The following CLDN16 variants were observed in gnomAD, a reference collection of about 807,000 sequenced individuals.
CLDN16 encodes the protein claudin 16, also known as claudin-16.
A neutral mutation model predicts 24.6 loss-of-function variants in CLDN16; 13 were observed. That is an observed-to-expected ratio of 0.53 (90% CI 0.34 to 0.84). The LOEUF is 0.84. Among genes scored for constraint, CLDN16 ranks in the 40% least tolerant of loss-of-function variants. The pLI is 0.01. For missense variants in CLDN16, 298 were observed against 292.7 expected (o/e 1.02, Z -0.13); for synonymous variants, 116 against 106.7 (o/e 1.09, Z -0.54).
At chr3:190,404,075 G>T (rs1373332613) in intron 2 of CLDN16, among the ~76,000 whole-genome samples, 1 of 152,016 alleles carries the variant, frequency 6.6e-6, no homozygotes, top group Non-Finnish European at 1.5e-5. Flanking sequence ...TAACATATGG[G>T]GGTAGAGAAA....
chr3:190,314,323 C>T, the CLDN16 span, among the ~76,000 whole-genome samples: 2 of 152,172 alleles, frequency 1.3e-5, no homozygotes, highest in African/African-American at 4.8e-5. Context: ...TCTAAAACTT[C>T]ATTAAATCTT....
chr3:190,334,211 T>A (rs1717247398), intron 1 of CLDN16, among the ~76,000 whole-genome samples: 1 of 152,218 alleles, frequency 6.6e-6, no homozygotes, highest in Admixed American at 6.5e-5. Flanking sequence ...AGGATAAAAC[T>A]ATACGTGTGT....
chr3:190,385,346 T>G (rs948249340), upstream of CLDN16, among the ~76,000 whole-genome samples: 1 of 152,214 alleles, frequency 6.6e-6, no homozygotes, highest in Non-Finnish European at 1.5e-5. Context: ...ATCCATGAAG[T>G]GTTTACTGCT....
chr3:190,293,023 C>A, the CLDN16 span, among the ~76,000 whole-genome samples: 2 of 152,150 alleles, frequency 1.3e-5, no homozygotes, highest in Admixed American at 6.5e-5. Flanking sequence ...GCCTCAGTAC[C>A]AATTTACTGT....
At chr3:190,377,297 C>T (rs1718266455) in intron 3 of CLDN16, among the ~76,000 whole-genome samples, 1 of 151,896 alleles carries the variant, frequency 6.6e-6, no homozygotes, top group African/African-American at 2.4e-5. Context: ...AAGCACCAAG[C>T]AAATGCTGCT....
chr3:190,308,583 T>A, the CLDN16 span: 2 of 793,724 alleles, frequency 2.5e-6, no homozygotes, highest in Non-Finnish European at 4.2e-6. Flanking sequence ...ACTTTAAGAT[T>A]TCTGAACATA....
chr3:190,398,795 T>C (rs1718885388), intron 1 of CLDN16, among the ~76,000 whole-genome samples: 1 of 152,208 alleles, frequency 6.6e-6, no homozygotes, highest in African/African-American at 2.4e-5. Flanking sequence ...ATCTCCCGTA[T>C]ACAGATAAGG....
At chr3:190,340,999 TC>T (rs926183185) in intron 1 of CLDN16, among the ~76,000 whole-genome samples, 20 of 152,236 alleles carry the variant, frequency 1.3e-4, no homozygotes, top group African/African-American at 4.8e-4. Flanking sequence ...AGAGGTGGGT[TC>T]CCATGGTCTT....
At chr3:190,368,004 T>A (rs1264412571) in intron 1 of CLDN16, among the ~76,000 whole-genome samples, 6 of 151,888 alleles carry the variant, frequency 4.0e-5, no homozygotes, top group African/African-American at 1.2e-4. Flanking sequence ...TCCTGATGTG[T>A]TGGGGAAGCT....
At chr3:190,339,086 T>C (rs1717373485) in intron 1 of CLDN16, among the ~76,000 whole-genome samples, 1 of 152,216 alleles carries the variant, frequency 6.6e-6, no homozygotes, top group South Asian at 2.1e-4. Context: ...TATCTGATTA[T>C]AATCTATGTT....
chr3:190,335,135 C>G (rs931937153), intron 1 of CLDN16, among the ~76,000 whole-genome samples: 1 of 151,444 alleles, frequency 6.6e-6, no homozygotes, highest in African/African-American at 2.4e-5. Flanking sequence ...CCTATGGCTC[C>G]CAGGTTCAAG....
the CLDN16 span, among the ~76,000 whole-genome samples, chr3:190,309,797 T>G: frequency 7.7e-3 from 1,168 of 152,334 alleles, 17 homozygotes; most frequent in African/African-American, 0.027. Flanking sequence ...AATCATAAAC[T>G]GTGCATTAGT....
intron 1 of CLDN16, among the ~76,000 whole-genome samples, chr3:190,395,559 A>T (rs1718797164): frequency 6.6e-6 from 1 of 152,026 alleles, no homozygotes; most frequent in African/African-American, 2.4e-5. Flanking sequence ...GTCAAACGTT[A>T]TTTACTACAA....
chr3:190,370,709 T>C (rs1461448243), intron 1 of CLDN16, among the ~76,000 whole-genome samples: 1 of 151,950 alleles, frequency 6.6e-6, no homozygotes, highest in Non-Finnish European at 1.5e-5. Context: ...CTGGTGTGTC[T>C]GTGAGGGTGC....
the CLDN16 span, among the ~76,000 whole-genome samples, chr3:190,311,337 A>C: frequency 6.6e-6 from 1 of 152,190 alleles, no homozygotes; most frequent in Non-Finnish European, 1.5e-5. Context: ...CTTTGATATA[A>C]GAGTAAATTA....
Position 190,404,770 on chromosome 3 carries a change from G to T in CLDN16, c.226G>T (p.Val76Leu). Residue 76 changes from valine (V) to leucine (L), a missense_variant, in exon 3 of 5, where the codon GTG becomes TTG. Physicochemically the swap from Val to Leu is conservative, Grantham distance 32. Transcript: ENST00000264734. The stretch of plus-strand genomic sequence containing the variant: ...ATGCCCTGGTCTTCCAGTGAAGCTG[G>T]TGGTAACTCGAGCGTTGATGATTAC... ...SILAEHPLKL[V>L]VTRALMITAD... 1 of 1,614,086 alleles carries T rather than the reference G, an allele frequency of 6.2e-7. No homozygotes were observed.
chr3:190,328,289 A>C (rs1170339494), intron 1 of CLDN16, among the ~76,000 whole-genome samples: 1 of 152,082 alleles, frequency 6.6e-6, no homozygotes, highest in Non-Finnish European at 1.5e-5. Flanking sequence ...CACACACACA[A>C]AATATCTTAA....
At chr3:190,392,114 G>A (rs1299673467) in intron 1 of CLDN16, among the ~76,000 whole-genome samples, 1 of 140,782 alleles carries the variant, frequency 7.1e-6, no homozygotes, top group African/African-American at 2.6e-5. Flanking sequence ...ACTTCAGAGA[G>A]TTGGACACTC....
intron 3 of CLDN16, among the ~76,000 whole-genome samples, chr3:190,407,007 T>C (rs1719122813): frequency 6.6e-6 from 1 of 152,156 alleles, no homozygotes. Context: ...CCCAAAGCGC[T>C]GGGATTACAG....
Sources: allele counts gnomAD v4.1 joint callset (sites outside exome capture counted in the v4.1 genomes callset), GRCh38; gene constraint gnomAD v4.1.1; transcripts MANE v1.5; gene names NCBI Gene and HGNC (gene_info 2026-07-23, HGNC 2026-07-21).